The following GPHN variants were observed in gnomAD, a reference collection of about 807,000 sequenced individuals.
The protein encoded by GPHN is gephyrin.
Under a neutral mutation model 95.5 loss-of-function variants are expected in GPHN, and 17 were observed. The ratio of observed to expected loss-of-function variants is 0.18; its 90% CI spans 0.12 to 0.27. The LOEUF (loss-of-function observed/expected upper bound fraction) is 0.27. Ranked by LOEUF, GPHN falls within the 10% of genes least tolerant of loss-of-function variation. The probability of loss-of-function intolerance (pLI) is 1.00; values close to 1 mark genes in which losing one functional copy is unlikely to be tolerated. For missense variants in GPHN, 660 were observed against 978.1 expected (o/e 0.67, Z 4.34); for synonymous variants, 320 against 322.5 (o/e 0.99, Z 0.08).
the GPHN span, among the ~76,000 whole-genome samples, chr14:67,401,216 G>A: frequency 6.6e-6 from 1 of 152,106 alleles, no homozygotes; most frequent in Admixed American, 6.5e-5. Context: ...GTTGGCTGCG[G>A]TGGCTCAGGC....
the GPHN span, among the ~76,000 whole-genome samples, chr14:67,556,866 A>G: frequency 1.3e-5 from 2 of 152,186 alleles, no homozygotes; most frequent in East Asian, 3.8e-4. Context: ...GGGTCAGCAC[A>G]TGGCTGTCCA....
At chr14:67,047,380 T>C (rs1190283954) in intron 10 of GPHN, among the ~76,000 whole-genome samples, 20 of 143,196 alleles carry the variant, frequency 1.4e-4, no homozygotes, top group South Asian at 2.2e-4. Context: ...TTTTTTTTTT[T>C]TTTGAGACAG....
the GPHN span, among the ~76,000 whole-genome samples, chr14:67,512,258 C>A: frequency 6.6e-6 from 1 of 152,182 alleles, no homozygotes; most frequent in South Asian, 2.1e-4. Context: ...CCCCCTCCTA[C>A]CCCTTCCCTA....
chr14:67,332,703 T>C, the GPHN span: 4 of 1,437,030 alleles, frequency 2.8e-6, no homozygotes, highest in Non-Finnish European at 3.8e-6. Flanking sequence ...CTCCTTGTTC[T>C]TTGGCCATCT....
the GPHN span, among the ~76,000 whole-genome samples, chr14:67,612,502 C>T: frequency 9.9e-5 from 15 of 152,160 alleles, no homozygotes; most frequent in African/African-American, 3.6e-4. Flanking sequence ...CCTTATCTTC[C>T]TCTGGTAATT....
the GPHN span, among the ~76,000 whole-genome samples, chr14:67,318,647 C>T: frequency 6.6e-6 from 1 of 152,164 alleles, no homozygotes. Flanking sequence ...ATGATGTCAT[C>T]ATCATGAATA....
At chr14:67,012,944 G>C (rs1024991608) in intron 9 of GPHN, among the ~76,000 whole-genome samples, 1 of 151,496 alleles carries the variant, frequency 6.6e-6, no homozygotes, top group South Asian at 2.1e-4. Context: ...TTTCTTTATA[G>C]CACTAACCAC....
At chr14:67,048,862 T>A (rs1480022782) in intron 10 of GPHN, among the ~76,000 whole-genome samples, 2 of 152,248 alleles carry the variant, frequency 1.3e-5, no homozygotes, top group Non-Finnish European at 2.9e-5. Context: ...CCTCGCAGAT[T>A]CTCTTTGTGA....
intron 2 of GPHN, among the ~76,000 whole-genome samples, chr14:66,686,150 C>T (rs2067345218): frequency 6.6e-6 from 1 of 152,136 alleles, no homozygotes; most frequent in South Asian, 2.1e-4. Context: ...GTTACTGTAG[C>T]CTTGTAGTAT....
the GPHN span, chr14:67,312,509 G>T: frequency 3.4e-6 from 5 of 1,490,712 alleles, no homozygotes; most frequent in African/African-American, 7.0e-5. Context: ...TGTTGTTTTT[G>T]CCCTTTTTAT....
chr14:67,477,073 G>A, the GPHN span, among the ~76,000 whole-genome samples: 1 of 152,020 alleles, frequency 6.6e-6, no homozygotes, highest in Non-Finnish European at 1.5e-5. Flanking sequence ...GGCTGAGACA[G>A]GAGAACCGCT....
At chr14:67,087,528 T>C (rs1339912300) in intron 11 of GPHN, among the ~76,000 whole-genome samples, 1 of 152,172 alleles carries the variant, frequency 6.6e-6, no homozygotes, top group African/African-American at 2.4e-5. Flanking sequence ...CCAGAATAGC[T>C]TCAACATCCT....
chr14:67,511,034 A>G, the GPHN span, among the ~76,000 whole-genome samples: 1 of 152,098 alleles, frequency 6.6e-6, no homozygotes, highest in African/African-American at 2.4e-5. Flanking sequence ...TGGCATCCCT[A>G]GCTCCTCAGG....
At chr14:67,289,866 G>A in the GPHN span, among the ~76,000 whole-genome samples, 1 of 150,918 alleles carries the variant, frequency 6.6e-6, no homozygotes, top group African/African-American at 2.4e-5. Flanking sequence ...TGCCTCCTGG[G>A]TTCACGCCAT....
the GPHN span, among the ~76,000 whole-genome samples, chr14:67,309,426 C>CTTAA: frequency 7.2e-5 from 11 of 152,080 alleles, no homozygotes; most frequent in African/African-American, 2.7e-4. Context: ...GCCTTTTCCT[C>CTTAA]TTAATTTTAG....
intron 8 of GPHN, among the ~76,000 whole-genome samples, chr14:66,954,559 A>T (rs1223580203): frequency 6.6e-6 from 1 of 152,206 alleles, no homozygotes. Flanking sequence ...TATATATATA[A>T]AACCATGTCA....
chr14:67,043,246 G>C (rs2074812364), intron 10 of GPHN, among the ~76,000 whole-genome samples: 2 of 151,894 alleles, frequency 1.3e-5, no homozygotes, highest in Admixed American at 1.3e-4. Flanking sequence ...TGATTGCCCT[G>C]GCCAGAACGT....
At chr14:66,676,829 G>A (rs764511840) in intron 1 of GPHN, among the ~76,000 whole-genome samples, 12 of 151,818 alleles carry the variant, frequency 7.9e-5, no homozygotes, top group Non-Finnish European at 1.6e-4. Flanking sequence ...TACTGACCTC[G>A]TAGAATGAAT....
At chr14:67,561,105 T>G in the GPHN span, among the ~76,000 whole-genome samples, 1 of 152,180 alleles carries the variant, frequency 6.6e-6, no homozygotes, top group Non-Finnish European at 1.5e-5. Context: ...TCATTTGGCC[T>G]CCTATCCCCT....
Sources: gnomAD v4.1 joint callset for allele counts (sites outside exome capture counted in the v4.1 genomes callset) on GRCh38, gnomAD v4.1.1 for gene constraint, MANE v1.5 for transcripts, NCBI Gene and HGNC (gene_info 2026-07-23, HGNC 2026-07-21) for gene names.